Variants in PRDM16 observed in about 807,000 individuals in gnomAD.
PRDM16 encodes the protein PR/SET domain 16.
PRDM16 carries 23 observed loss-of-function variants against 110.6 expected under a neutral mutation model. The ratio of observed to expected loss-of-function variants is 0.21; its 90% CI spans 0.15 to 0.29. The LOEUF is 0.29. Ranked by LOEUF, PRDM16 falls within the 10% of genes least tolerant of loss-of-function variation. PRDM16 has a pLI of 1.00. For missense variants in PRDM16, 1,615 were observed against 1,794.3 expected, an observed-to-expected ratio of 0.90 and a Z score of 1.81; for synonymous variants, 799 against 781.8, an observed-to-expected ratio of 1.02 and a Z score of -0.37.
intron 3 of PRDM16, among the ~76,000 whole-genome samples, chr1:3,346,562 C>T (rs1642366936): frequency 6.6e-6 from 1 of 152,214 alleles, no homozygotes; most frequent in African/African-American, 2.4e-5. Flanking sequence ...CTCCCCTCCA[C>T]CGTCCCCAGT....
chr1:3,309,743 C>T (rs1255359038), intron 3 of PRDM16: 1 of 152,236 alleles, frequency 6.6e-6, no homozygotes, highest in Admixed American at 6.5e-5. Context: ...ATGACTGTGA[C>T]TCCAGAGGCC....
intron 3 of PRDM16, among the ~76,000 whole-genome samples, chr1:3,380,187 G>A (rs1643078189): frequency 6.6e-6 from 1 of 151,274 alleles, no homozygotes; most frequent in Non-Finnish European, 1.5e-5. Flanking sequence ...ACTCATTGCT[G>A]GTTCAGGGCC....
intron 14 of PRDM16, 54 bp from the exon 15 acceptor site, chr1:3,430,818 A>AT: frequency 1.3e-6 from 2 of 1,595,308 alleles, no homozygotes; most frequent in South Asian, 1.1e-5. Flanking sequence ...TTGGGGGTCC[A>AT]TGGGAAGGAC....
intron 2 of PRDM16, among the ~76,000 whole-genome samples, chr1:3,217,021 G>T (rs1639044824): frequency 6.6e-6 from 1 of 152,234 alleles, no homozygotes. Context: ...TCCAAATGTT[G>T]CAGGGCAGCA....
chr1:3,357,460 C>T (rs1240959012), intron 3 of PRDM16, among the ~76,000 whole-genome samples: 1 of 150,770 alleles, frequency 6.6e-6, no homozygotes, highest in African/African-American at 2.5e-5. Context: ...TGGAGAGTCT[C>T]ACCACGGGGC....
chr1:3,262,063 C>G (rs1640175393), intron 3 of PRDM16, among the ~76,000 whole-genome samples: 1 of 152,252 alleles, frequency 6.6e-6, no homozygotes, highest in African/African-American at 2.4e-5. Flanking sequence ...GTTTATTTGA[C>G]TAATGCGCCC....
Position 3,209,576 on chromosome 1 carries a change from G to A in PRDM16, c.387+23102G>A, listed in dbSNP as rs552848244. 7.9e-5 allele frequency among the ~76,000 whole-genome samples: 12 copies of A among 152,336 alleles called. No individual in the cohort carries two copies. The highest frequency in any genetic ancestry group is 2.9e-4 in the African/African-American group (12 of 41,572). Reference sequence around the variant, plus strand: ...TCCAAAGGAAGCTCCCTGTGGGTGCGCGTGGAAGCTGAGCGCCTCAGTGGA... The same window carrying A: ...TCCAAAGGAAGCTCCCTGTGGGTGCACGTGGAAGCTGAGCGCCTCAGTGGA... On this transcript the variant is annotated intron_variant, in intron 2 of 16. Transcript: ENST00000270722. This position sits in a 1 kb window ranked among gnomAD's most constrained non-coding sequence, Gnocchi z 4.6.
At chr1:3,227,957 G>C (rs988870558) in intron 2 of PRDM16, among the ~76,000 whole-genome samples, 1 of 152,240 alleles carries the variant, frequency 6.6e-6, no homozygotes, top group Non-Finnish European at 1.5e-5. Context: ...CTTCCTCCAA[G>C]TCTCTGTTTC....
At chr1:3,387,783 A>G (rs1643227994) in intron 4 of PRDM16, among the ~76,000 whole-genome samples, 1 of 152,262 alleles carries the variant, frequency 6.6e-6, no homozygotes, top group African/African-American at 2.4e-5. Context: ...GAAAATGAGC[A>G]TTGTGTGGAA....
intron 2 of PRDM16, among the ~76,000 whole-genome samples, chr1:3,192,330 C>T (rs890979196): frequency 2.5e-4 from 38 of 152,134 alleles, no homozygotes; most frequent in African/African-American, 5.3e-4. Flanking sequence ...CTGGGAGTTC[C>T]GGCTGGGTTT....
Position 3,401,590 on chromosome 1 carries a change from GCA to G in PRDM16, c.677-1190_677-1189del, listed in dbSNP as rs977517569. Among the ~76,000 whole-genome samples the G allele has an allele frequency of 5.9e-5, 9 of 152,000 alleles. No homozygotes were observed. The East Asian group carries it at 1.3e-3, about 23-fold the overall frequency. ...CCTGCACAACTACACACCCATTGGC[GCA>G]CACACACACAAACCAACACACAATG... is the stretch of plus-strand genomic sequence containing the variant. On this transcript the variant is annotated intron_variant, in intron 5 of 16. Coordinates refer to ENST00000270722, the MANE Select transcript of PRDM16 (RefSeq NM_022114.4).
intron 3 of PRDM16, among the ~76,000 whole-genome samples, chr1:3,254,057 T>C (rs558713121): frequency 6.6e-6 from 1 of 151,986 alleles, no homozygotes; most frequent in East Asian, 1.9e-4. Flanking sequence ...GATGGGGTTG[T>C]TTTTTTTCTT....
At chr1:3,110,893 G>A (rs1642775970) in intron 1 of PRDM16, among the ~76,000 whole-genome samples, 1 of 152,206 alleles carries the variant, frequency 6.6e-6, no homozygotes, top group Non-Finnish European at 1.5e-5. Context: ...CCGAGTCCTT[G>A]CCGCCTGATG....
chr1:3,357,156 C>A (rs1044431204), intron 3 of PRDM16, among the ~76,000 whole-genome samples: 3 of 152,110 alleles, frequency 2.0e-5, no homozygotes, highest in African/African-American at 7.2e-5. Context: ...TGTCTGGGGC[C>A]GGGCCCTGGG....
chr1:3,086,323 C>A (rs1642150747), intron 1 of PRDM16, among the ~76,000 whole-genome samples: 1 of 152,188 alleles, frequency 6.6e-6, no homozygotes, highest in Admixed American at 6.5e-5. Flanking sequence ...TCCTCTCGGC[C>A]TGCAGTTTCT....
At chr1:3,230,149 C>A (rs1167166689) in intron 2 of PRDM16, among the ~76,000 whole-genome samples, 3 of 152,190 alleles carry the variant, frequency 2.0e-5, no homozygotes, top group African/African-American at 7.2e-5. Context: ...ACCCAGTGTG[C>A]TGTCTAGCCG....
intron 3 of PRDM16, among the ~76,000 whole-genome samples, chr1:3,301,605 C>G (rs1312822000): frequency 6.6e-6 from 1 of 152,114 alleles, no homozygotes; most frequent in Non-Finnish European, 1.5e-5. Flanking sequence ...TCTGTAAGAC[C>G]CAACTACAGA....
chr1:3,249,035 G>A (rs1325861848), intron 3 of PRDM16, among the ~76,000 whole-genome samples: 3 of 152,222 alleles, frequency 2.0e-5, no homozygotes, highest in Non-Finnish European at 2.9e-5. Flanking sequence ...ACGCAGCTGG[G>A]ACCTCGCTGG....
At chr1:3,401,215 C>T (rs1429198167) in intron 5 of PRDM16, among the ~76,000 whole-genome samples, 2 of 152,222 alleles carry the variant, frequency 1.3e-5, no homozygotes, top group African/African-American at 4.8e-5. Flanking sequence ...AAGCAGCCCA[C>T]ACTTTCCTTA....
Sources: allele counts gnomAD v4.1 joint callset (sites outside exome capture counted in the v4.1 genomes callset), GRCh38; gene constraint gnomAD v4.1.1; non-coding constraint Gnocchi (gnomAD v3.1); transcripts MANE v1.5; gene names NCBI Gene and HGNC (gene_info 2026-07-23, HGNC 2026-07-21).